The following ZMAT5 variants were observed in gnomAD, a reference collection of about 807,000 sequenced individuals.
The protein encoded by ZMAT5 is zinc finger matrin-type 5.
In ZMAT5, 23 loss-of-function variants were observed where a neutral mutation model predicts 28.0. The ratio of observed to expected loss-of-function variants is 0.82; its 90% CI spans 0.59 to 1.16. The LOEUF is 1.16. Among genes scored for constraint, ZMAT5 ranks in the 50% most tolerant of loss-of-function variants. ZMAT5 has a pLI of 0.00. For missense variants in ZMAT5, 173 were observed against 212.7 expected (o/e 0.81, Z 1.16); for synonymous variants, 76 against 84.1 (o/e 0.90, Z 0.52).
intron 1 of ZMAT5, among the ~76,000 whole-genome samples, chr22:29,764,625 C>T (rs1013320024): frequency 3.3e-5 from 5 of 152,120 alleles, no homozygotes; most frequent in Non-Finnish European, 7.4e-5. Context: ...CTCAGCCTCC[C>T]GAGTTGCTGG....
At position 29,731,359 on chromosome 22, in the gene ZMAT5, A is replaced by AGAGAGAGAGAGAAG; in HGVS notation, c.384-19_384-6dup. 1 of 1,531,626 alleles carries AGAGAGAGAGAGAAG rather than the reference A, an allele frequency of 6.5e-7. No individual in the cohort carries two copies. Among genetic ancestry groups the AGAGAGAGAGAGAAG allele is most frequent in the Non-Finnish European group, 8.7e-7 (1 of 1,144,934 alleles). 94.9% of individuals were successfully genotyped at this position (1,531,626 alleles called of 1,614,324 possible). A position where few individuals can be genotyped will look rare whatever the true frequency, so the allele number is the denominator to read the frequency against. ...GTGGTTCTGATGGGTTCAGCCCTAG[A>AGAGAGAGAGAGAAG]GAGAGAGAGAGAAGCGGGGAGAATA... On this transcript the variant is annotated splice_polypyrimidine_tract_variant and splice_region_variant and intron_variant, in intron 5 of 5. Transcript: ENST00000344318.
chr22:29,765,287 C>T (rs2068196419), intron 1 of ZMAT5, among the ~76,000 whole-genome samples: 1 of 151,648 alleles, frequency 6.6e-6, no homozygotes, highest in South Asian at 2.1e-4. Context: ...GGCGTGTTGG[C>T]ATCCGCTTGT....
intron 1 of ZMAT5, among the ~76,000 whole-genome samples, chr22:29,754,089 G>A (rs778045295): frequency 2.6e-5 from 4 of 152,072 alleles, no homozygotes; most frequent in Non-Finnish European, 5.9e-5. Flanking sequence ...CTTGGCAGCC[G>A]AGGAGGGGTC....
rs150989076 is a variant in ZMAT5 at position 29,754,916 on chromosome 22, C to T, written c.-27-6345G>A. 3.5e-3 allele frequency among the ~76,000 whole-genome samples: 535 copies of T among 152,232 alleles called. 2 individuals are homozygous for T. The highest frequency in any genetic ancestry group is 6.3e-3 in the Non-Finnish European group (426 of 68,000). ...CTAGCATATAGTTCCTGCTCAATAA[C>T]GGAGGCTGTTACTGTTGTTACTATT... is the stretch of plus-strand genomic sequence containing the variant. On this transcript the variant is annotated intron_variant, in intron 1 of 5. Transcript: ENST00000344318.
intron 2 of ZMAT5, among the ~76,000 whole-genome samples, chr22:29,744,286 C>G (rs1214826846): frequency 6.6e-6 from 1 of 150,462 alleles, no homozygotes; most frequent in Admixed American, 6.7e-5. Context: ...ACCCTCTGAA[C>G]AGCGCAAACA....
intron 1 of ZMAT5, among the ~76,000 whole-genome samples, chr22:29,749,938 G>A (rs955200707): frequency 9.2e-5 from 14 of 152,178 alleles, no homozygotes; most frequent in Admixed American, 2.6e-4. Context: ...GCAGAACTGT[G>A]AGTCACTTAA....
chr22:29,763,671 C>A (rs1048353464), intron 1 of ZMAT5, among the ~76,000 whole-genome samples: 2 of 151,556 alleles, frequency 1.3e-5, no homozygotes, highest in South Asian at 2.1e-4. Context: ...GTCTGTAATC[C>A]CAGCACTTTG....
Position 29,748,452 on chromosome 22 carries a change from G to A in ZMAT5, c.93C>T (p.Leu31=). 6.2e-7 allele frequency: 1 copy of A among 1,614,252 alleles called. No homozygotes were observed. The highest frequency in any genetic ancestry group is 8.5e-7 in the Non-Finnish European group (1 of 1,180,052). The change falls in exon 2 of 6, where the codon CTC becomes CTT. Residue 31 remains leucine, a synonymous_variant. Transcript: ENST00000344318. ...RKKHLNGLQH[L]KAKKVWYDMF... is the part of the protein sequence containing the mutation. ...TGTCGTACCAGACCTTCTTGGCCTT[G>A]AGGTGCTGCAGCCCGTTCAGGTGCT...
At chr22:29,744,452 G>T (rs1254062346) in intron 2 of ZMAT5, among the ~76,000 whole-genome samples, 1 of 152,030 alleles carries the variant, frequency 6.6e-6, no homozygotes, top group South Asian at 2.1e-4. Context: ...GGACCAGCAG[G>T]GTGGGGAGGG....
intron 1 of ZMAT5, among the ~76,000 whole-genome samples, chr22:29,764,569 CAGTT>C (rs2147241555): frequency 6.6e-6 from 1 of 152,256 alleles, no homozygotes; most frequent in Non-Finnish European, 1.5e-5. Context: ...GACGCGATCT[CAGTT>C]AGTGGCAGCC....
chr22:29,748,511 G>T lies in ZMAT5; in HGVS notation c.34C>A (p.Arg12Ser). The T allele has an allele frequency of 1.2e-6, 2 of 1,614,208 alleles. No individual in the cohort carries two copies. Among genetic ancestry groups the T allele is most frequent in the Non-Finnish European group, 1.7e-6 (2 of 1,180,038 alleles). The change falls in exon 2 of 6, where the codon CGC (arginine) becomes AGC (serine). Residue 12 changes from arginine (R) to serine (S), a missense_variant. By Grantham distance (110) the Arg-to-Ser change is moderately radical. Transcript: ENST00000344318. ...TTGTGGAGGTTGTCCTGGAAGGAGC[G>T]GTCGCAGTAGTCACAGAAGTATCGC... The part of the protein sequence containing the change: ...GKRYFCDYCD[R>S]SFQDNLHNRK...
chr22:29,748,326 C>G, intron 2 of ZMAT5, 92 bp downstream of exon 2: 1 of 1,589,308 alleles, frequency 6.3e-7, no homozygotes, highest in South Asian at 1.1e-5. Context: ...GAGCCCAGAC[C>G]TAGACTGTCA....
At chr22:29,737,906 T>A (rs117300686) in intron 5 of ZMAT5, among the ~76,000 whole-genome samples, 8,197 of 150,998 alleles carry the variant, frequency 0.054, 306 homozygotes, top group Non-Finnish European at 0.085. Flanking sequence ...ATCACGCCTG[T>A]GCAATCCCGG....
Position 29,748,563 on chromosome 22 carries a change from C to A in ZMAT5, c.-19G>T. The A allele has an allele frequency of 6.2e-7, 1 of 1,613,826 alleles. No individual in the cohort carries two copies. Among genetic ancestry groups the A allele is most frequent in the Non-Finnish European group, 8.5e-7 (1 of 1,180,006 alleles). On this transcript the variant is annotated 5_prime_UTR_variant, in exon 2 of 6. Coordinates refer to ENST00000344318, the MANE Select transcript of ZMAT5 (RefSeq NM_001003692.2). ...TCCCCATGGCCACTCAGAGCAGGTG[C>A]TTTGCTGCCTGGGAAGCCACAAAGA...
At chr22:29,756,947 G>C (rs1049096665) in intron 1 of ZMAT5, among the ~76,000 whole-genome samples, 3 of 152,060 alleles carry the variant, frequency 2.0e-5, no homozygotes, top group African/African-American at 7.2e-5. Flanking sequence ...GCTGAGGCAG[G>C]AGCATCACTT....
At chr22:29,757,834 A>G (rs993874657) in intron 1 of ZMAT5, among the ~76,000 whole-genome samples, 6 of 152,176 alleles carry the variant, frequency 3.9e-5, no homozygotes, top group Non-Finnish European at 2.9e-5. Context: ...CCTGACCAAC[A>G]TGGGGAAACC....
intron 2 of ZMAT5, chr22:29,747,898 G>C (rs1002676110): frequency 2.9e-5 from 6 of 204,334 alleles, no homozygotes; most frequent in South Asian, 1.6e-4. Flanking sequence ...GTCAAGGCAG[G>C]TCTGGCCACG....
chr22:29,759,926 C>T (rs2068139885), intron 1 of ZMAT5, among the ~76,000 whole-genome samples: 1 of 152,012 alleles, frequency 6.6e-6, no homozygotes, highest in African/African-American at 2.4e-5. Flanking sequence ...TTAGGCCGGG[C>T]ACGGTGGCTC....
chr22:29,747,707 A>G (rs1344817213), intron 2 of ZMAT5: 1 of 154,368 alleles, frequency 6.5e-6, no homozygotes, highest in Non-Finnish European at 1.4e-5. Context: ...CTCCCGGGAA[A>G]CAGGCCCTGT....
Sources: allele counts gnomAD v4.1 joint callset (sites outside exome capture counted in the v4.1 genomes callset), GRCh38; gene constraint gnomAD v4.1.1; transcripts MANE v1.5; gene names NCBI Gene and HGNC (gene_info 2026-07-23, HGNC 2026-07-21).